The following KIF4A variants were observed in gnomAD, a reference collection of about 807,000 sequenced individuals.
The protein encoded by KIF4A is kinesin family member 4A.
Under a neutral mutation model 105.9 loss-of-function variants are expected in KIF4A, and 7 were observed. The observed-to-expected ratio is 0.07, with a 90% CI of 0.04 to 0.12. The LOEUF (loss-of-function observed/expected upper bound fraction) is 0.12. Ranked by LOEUF, KIF4A falls within the 10% of genes least tolerant of loss-of-function variation. The pLI is 1.00. For missense variants in KIF4A, 558 were observed against 929.2 expected (o/e 0.60, Z 5.19); for synonymous variants, 281 against 331.3 (o/e 0.85, Z 1.65).
In KIF4A at chrX:70,312,933, G is replaced by A. The variant is rs953154928; in HGVS notation, c.778+10535G>A. ...ATGTATTGCATTATGTTCAACAAAT[G>A]TATGTGATTTGTGTTTTTTGAAATT... On this transcript the variant is annotated intron_variant, in intron 7 of 30. Transcript: ENST00000374403. 4.5e-5 allele frequency among the ~76,000 whole-genome samples: 5 copies of A among 111,887 alleles called. No homozygotes were observed. In the South Asian group the frequency reaches 1.5e-3, roughly 33 times the overall value.
intron 9 of KIF4A, 109 bp downstream of exon 9, chrX:70,330,441 G>A: frequency 1.3e-6 from 1 of 748,555 alleles, no homozygotes; most frequent in Non-Finnish European, 2.0e-6. Context: ...TGTTGGTTAG[G>A]CATTATGTTT....
chrX:70,412,150 T>C (rs1159990380), intron 28 of KIF4A, among the ~76,000 whole-genome samples: 1 of 111,858 alleles, frequency 8.9e-6, no homozygotes, highest in Non-Finnish European at 1.9e-5. Context: ...ACTACATCTG[T>C]CATGTATGTC....
At chrX:70,401,525 C>G (rs919547381) in intron 22 of KIF4A, among the ~76,000 whole-genome samples, 10 of 109,676 alleles carry the variant, frequency 9.1e-5, no homozygotes, top group Admixed American at 3.9e-4. Context: ...CTCAGCCTCC[C>G]AAGTAGCTGG....
intron 7 of KIF4A, among the ~76,000 whole-genome samples, chrX:70,318,276 A>G (rs1006330196): frequency 1.5e-4 from 17 of 112,305 alleles, no homozygotes; most frequent in African/African-American, 5.5e-4. Context: ...GTGGAATTAT[A>G]CTGTTTATAA....
At chrX:70,339,933 G>A (rs916299922) in intron 10 of KIF4A, among the ~76,000 whole-genome samples, 1 of 112,010 alleles carries the variant, frequency 8.9e-6, no homozygotes, top group African/African-American at 3.2e-5. Flanking sequence ...TTACGTGGCT[G>A]TCCTATATCA....
chrX:70,395,232 C>T (rs1224496956), intron 20 of KIF4A, among the ~76,000 whole-genome samples: 4 of 111,997 alleles, frequency 3.6e-5, no homozygotes, highest in African/African-American at 9.7e-5. Flanking sequence ...GGCGACAGAG[C>T]GACACCCTGT....
intron 7 of KIF4A, among the ~76,000 whole-genome samples, chrX:70,313,673 T>C (rs2085858733): frequency 8.9e-6 from 1 of 112,291 alleles, no homozygotes; most frequent in Non-Finnish European, 1.9e-5. Flanking sequence ...TTTCTTATGT[T>C]GGTCTGATTC....
chrX:70,407,507 G>C (rs2086305087), intron 28 of KIF4A, among the ~76,000 whole-genome samples: 1 of 111,443 alleles, frequency 9.0e-6, no homozygotes, highest in African/African-American at 3.3e-5. Flanking sequence ...ATACCCTTTA[G>C]CTATCATTTA....
chrX:70,416,333 T>C (rs979707837), intron 28 of KIF4A, among the ~76,000 whole-genome samples: 2 of 106,413 alleles, frequency 1.9e-5, no homozygotes, highest in Non-Finnish European at 3.9e-5. Flanking sequence ...CCTAGGCCCT[T>C]TTCTGCACAG....
At chrX:70,372,658 G>C (rs976488116) in intron 15 of KIF4A, among the ~76,000 whole-genome samples, 4 of 111,310 alleles carry the variant, frequency 3.6e-5, no homozygotes, top group Admixed American at 9.5e-5. Context: ...GGAGACCGTG[G>C]GGAGAGGGAG....
At chrX:70,351,089 A>G (rs761441966) in intron 13 of KIF4A, among the ~76,000 whole-genome samples, 91 of 112,389 alleles carry the variant, frequency 8.1e-4, no homozygotes, top group South Asian at 2.6e-3. Context: ...ATTAGTGCTT[A>G]CCCTTTTCCT....
intron 2 of KIF4A, 29 bp downstream of exon 2, chrX:70,290,607 T>G: frequency 8.3e-7 from 1 of 1,209,721 alleles, no homozygotes. Flanking sequence ...AGCCTGTGTC[T>G]GAACAGCTGG....
At chrX:70,297,603 CAG>C (rs1405585791) in intron 4 of KIF4A, among the ~76,000 whole-genome samples, 3 of 112,071 alleles carry the variant, frequency 2.7e-5, no homozygotes, top group African/African-American at 9.7e-5. Flanking sequence ...GTTTATTAAA[CAG>C]ATATTTACTG....
intron 18 of KIF4A, among the ~76,000 whole-genome samples, chrX:70,381,464 G>A (rs1229690365): frequency 9.0e-6 from 1 of 111,619 alleles, no homozygotes; most frequent in Non-Finnish European, 1.9e-5. Context: ...TTGAACCCGG[G>A]AGGTGGAGGT....
rs2086294073 is a variant in KIF4A, at chrX:70,404,741, G to A, written c.2817G>A (p.Gln939=). 3 of 1,206,275 alleles carry A rather than the reference G, an allele frequency of 2.5e-6. No individual in the cohort carries two copies. The highest frequency in any genetic ancestry group is 3.0e-5 in the East Asian group (1 of 33,690). The part of the protein sequence containing the change: ...EKVLYLLSQL[Q]QSQMAEKQLE... Reference sequence around the variant, plus strand: ...TGCTGTACCTTCTCAGCCAGCTGCAGCAAAGCCAAATGGCAGAGAAGCAGT... The same window carrying A: ...TGCTGTACCTTCTCAGCCAGCTGCAACAAAGCCAAATGGCAGAGAAGCAGT... The change falls in exon 25 of 31, where the codon CAG becomes CAA. Residue 939 remains glutamine (Q), a synonymous_variant. Transcript: ENST00000374403.
At chrX:70,415,747 A>T (rs1409854642) in intron 28 of KIF4A, among the ~76,000 whole-genome samples, 4 of 104,249 alleles carry the variant, frequency 3.8e-5, no homozygotes, top group African/African-American at 1.4e-4. Flanking sequence ...TTATATCTGC[A>T]TTTTACTATT....
At chrX:70,386,905 T>C (rs769111235) in intron 19 of KIF4A, among the ~76,000 whole-genome samples, 95 of 111,788 alleles carry the variant, frequency 8.5e-4, no homozygotes, top group African/African-American at 3.0e-3. Flanking sequence ...CAAATAAGGA[T>C]TTTTTCCTAA....
In KIF4A at chrX:70,290,426, TC is replaced by T. The variant is rs775646118; in HGVS notation, c.-21-7del. On this transcript the variant is annotated splice_polypyrimidine_tract_variant and intron_variant, in intron 1 of 30. Coordinates refer to ENST00000374403, the MANE Select transcript of KIF4A (RefSeq NM_012310.5). ...AACATTCATCAGCGAGCCTTCTTTT[TC>T]CCCCTCGCAGAGACGGTGCTGAGAT... 2 of 1,194,207 alleles carry T rather than the reference TC, an allele frequency of 1.7e-6. No homozygotes were observed. Among genetic ancestry groups the T allele is most frequent in the South Asian group, 3.7e-5 (2 of 54,563 alleles).
In KIF4A at chrX:70,299,218, A is replaced by G. The variant is rs2085795249; in HGVS notation, c.516+16A>G. ...AGGCATAAAGGTGTGTTTGTCTCTC[A>G]TTTGATGTTATTAAAAAAATTTGGC... On this transcript the variant is annotated intron_variant, in intron 5 of 30. Coordinates refer to ENST00000374403, the MANE Select transcript of KIF4A (RefSeq NM_012310.5). 4.3e-6 allele frequency: 5 copies of G among 1,157,851 alleles called. No individual in the cohort carries two copies. The highest frequency in any genetic ancestry group is 5.8e-6 in the Non-Finnish European group (5 of 861,923).
Sources: allele counts gnomAD v4.1 joint callset (sites outside exome capture counted in the v4.1 genomes callset), GRCh38; gene constraint gnomAD v4.1.1; transcripts MANE v1.5; gene names NCBI Gene and HGNC (gene_info 2026-07-23, HGNC 2026-07-21).